Variants in ESRRG observed in about 807,000 individuals in gnomAD.
The protein encoded by ESRRG is estrogen-related receptor gamma.
ESRRG carries 13 observed loss-of-function variants against 44.0 expected under a neutral mutation model. The observed-to-expected ratio is 0.30, with a 90% CI of 0.19 to 0.47. The LOEUF (loss-of-function observed/expected upper bound fraction) is 0.47. Among genes scored for constraint, ESRRG ranks in the 20% least tolerant of loss-of-function variants. The pLI, the probability that ESRRG is intolerant of heterozygous loss-of-function variation, is 1.00. For missense variants in ESRRG, 395 were observed against 580.6 expected (o/e 0.68, Z 3.29); for synonymous variants, 215 against 214.6 (o/e 1.00, Z -0.02).
intron 2 of ESRRG, among the ~76,000 whole-genome samples, chr1:216,753,304 A>G (rs2092212277): frequency 6.6e-6 from 1 of 152,084 alleles, no homozygotes; most frequent in African/African-American, 2.4e-5. Flanking sequence ...ACTTCTTTGC[A>G]AAGATATGAC....
intron 2 of ESRRG, among the ~76,000 whole-genome samples, chr1:216,792,787 A>G (rs894132766): frequency 2.0e-5 from 3 of 152,198 alleles, no homozygotes; most frequent in African/African-American, 7.2e-5. Flanking sequence ...GCACATGAAG[A>G]AAAATTGCTT....
At chr1:216,791,889 C>T (rs2094331457) in intron 2 of ESRRG, among the ~76,000 whole-genome samples, 1 of 152,090 alleles carries the variant, frequency 6.6e-6, no homozygotes, top group Non-Finnish European at 1.5e-5. Context: ...GTACTAAATA[C>T]CTTGCTGAAA....
chr1:217,043,616 G>A (rs1232151663), intron 1 of ESRRG, among the ~76,000 whole-genome samples: 1 of 150,382 alleles, frequency 6.6e-6, no homozygotes, highest in East Asian at 2.0e-4. Context: ...CTCTTACATT[G>A]AGCCAACTTC....
At chr1:216,538,890 G>A (rs1301706826) in intron 5 of ESRRG, among the ~76,000 whole-genome samples, 2 of 151,952 alleles carry the variant, frequency 1.3e-5, no homozygotes, top group Non-Finnish European at 2.9e-5. Context: ...ATCTTATGCA[G>A]AATATTCATC....
At chr1:216,968,003 T>C in intron 1 of ESRRG, among the ~76,000 whole-genome samples, 1 of 152,210 alleles carries the variant, frequency 6.6e-6, no homozygotes, top group East Asian at 1.9e-4. Context: ...TCATATGATG[T>C]TGATTGTCTA....
intron 1 of ESRRG, chr1:216,959,497 T>C (rs2068616231): frequency 6.6e-6 from 1 of 151,880 alleles, no homozygotes. Context: ...TTTGAGACCA[T>C]CCTGGGCAGC....
chr1:216,719,645 A>G (rs1474096655), intron 1 of ESRRG, among the ~76,000 whole-genome samples: 1 of 152,076 alleles, frequency 6.6e-6, no homozygotes, highest in Non-Finnish European at 1.5e-5. Context: ...AGGTCAGATT[A>G]AATCAAAGAA....
At chr1:216,530,313 T>TCTAG (rs2048984984) in intron 5 of ESRRG, among the ~76,000 whole-genome samples, 12 of 139,654 alleles carry the variant, frequency 8.6e-5, no homozygotes, top group Admixed American at 7.9e-4. Context: ...GGTCTATCTA[T>TCTAG]CTATCTATCT....
chr1:216,598,071 C>T (rs997031185), intron 3 of ESRRG, among the ~76,000 whole-genome samples: 1 of 152,106 alleles, frequency 6.6e-6, no homozygotes, highest in Non-Finnish European at 1.5e-5. Flanking sequence ...ATTCACTGCC[C>T]TGAATACTTC....
chr1:216,870,629 T>C (rs958474790), intron 2 of ESRRG, among the ~76,000 whole-genome samples: 3 of 152,026 alleles, frequency 2.0e-5, no homozygotes, highest in South Asian at 2.1e-4. Context: ...TGAAACTACC[T>C]GGGCCTGGAG....
chr1:216,591,300 G>C (rs760952797), intron 3 of ESRRG, among the ~76,000 whole-genome samples: 1 of 152,174 alleles, frequency 6.6e-6, no homozygotes, highest in Non-Finnish European at 1.5e-5. Context: ...GATGGAGCTC[G>C]AAGAGCTTCT....
intron 3 of ESRRG, among the ~76,000 whole-genome samples, chr1:216,588,185 C>T (rs762522205): frequency 2.6e-5 from 4 of 152,054 alleles, no homozygotes; most frequent in South Asian, 2.1e-4. Context: ...TTCAATCTAA[C>T]GATTTAACTT....
chr1:216,834,524 A>G (rs1561183), intron 2 of ESRRG, among the ~76,000 whole-genome samples: 39,151 of 152,088 alleles, frequency 0.26, 6,442 homozygotes, highest in African/African-American at 0.46. Flanking sequence ...GTATTTTTCA[A>G]TGGAGATGGA....
chr1:216,678,866 C>T (rs2076551500), intron 1 of ESRRG, among the ~76,000 whole-genome samples: 1 of 152,198 alleles, frequency 6.6e-6, no homozygotes, highest in African/African-American at 2.4e-5. Flanking sequence ...GCAATTATCT[C>T]TTTCACTATA....
intron 1 of ESRRG, among the ~76,000 whole-genome samples, chr1:217,034,873 C>A (rs780235461): frequency 8.5e-5 from 13 of 152,070 alleles, no homozygotes; most frequent in Non-Finnish European, 1.6e-4. Flanking sequence ...AAATATTACA[C>A]CGTAAATTAG....
At chr1:217,111,206 C>G (rs1267743796) in intron 1 of ESRRG, among the ~76,000 whole-genome samples, 1 of 152,188 alleles carries the variant, frequency 6.6e-6, no homozygotes, top group Non-Finnish European at 1.5e-5. Context: ...CCCCTTATCA[C>G]TTCTTCCAAC....
At chr1:217,094,552 G>T (rs777738541), upstream of ESRRG, among the ~76,000 whole-genome samples, 1 of 152,160 alleles carries the variant, frequency 6.6e-6, no homozygotes. Context: ...ATGAAGTAGT[G>T]GAAATGAGAC....
chr1:216,991,350 G>A (rs573501487), intron 1 of ESRRG, among the ~76,000 whole-genome samples: 7 of 152,176 alleles, frequency 4.6e-5, no homozygotes, highest in East Asian at 1.9e-4. Context: ...CTCAGCCAAC[G>A]TCTAGGTAAT....
chr1:216,791,385 C>T (rs1457912248), intron 2 of ESRRG, among the ~76,000 whole-genome samples: 2 of 152,152 alleles, frequency 1.3e-5, no homozygotes, highest in East Asian at 3.9e-4. Flanking sequence ...CTGAGGACTC[C>T]CCAGAAGCAG....
Sources: allele counts gnomAD v4.1 joint callset (sites outside exome capture counted in the v4.1 genomes callset), GRCh38; gene constraint gnomAD v4.1.1; transcripts MANE v1.5; gene names NCBI Gene and HGNC (gene_info 2026-07-23, HGNC 2026-07-21).